The following SLC44A5 variants were observed in gnomAD, a reference collection of about 807,000 sequenced individuals.
SLC44A5 encodes choline transporter-like protein 5.
A neutral mutation model predicts 101.8 loss-of-function variants in SLC44A5; 57 were observed. The observed-to-expected ratio is 0.56, with a 90% CI of 0.45 to 0.70. SLC44A5 has a LOEUF of 0.70. Ranked by LOEUF, SLC44A5 falls within the 30% of genes least tolerant of loss-of-function variation. The pLI, the probability that SLC44A5 is intolerant of heterozygous loss-of-function variation, is 0.00. For missense variants in SLC44A5, 737 were observed against 853.1 expected, an observed-to-expected ratio of 0.86 and a Z score of 1.70; for synonymous variants, 281 against 290.9, an observed-to-expected ratio of 0.97 and a Z score of 0.35.
At chr1:75,222,184 G>A (rs112409558) in intron 14 of SLC44A5, among the ~76,000 whole-genome samples, 177 bp downstream of exon 14, 51 of 152,066 alleles carry the variant, frequency 3.4e-4, no homozygotes, top group African/African-American at 8.9e-4. Flanking sequence ...TCGAACTCCC[G>A]ACCTCAGGTG....
chr1:75,286,918 T>C (rs532136799), intron 5 of SLC44A5, among the ~76,000 whole-genome samples: 23 of 152,208 alleles, frequency 1.5e-4, no homozygotes, highest in African/African-American at 5.1e-4. Flanking sequence ...TAACCTGATG[T>C]ATATGATGAT....
upstream of SLC44A5, among the ~76,000 whole-genome samples, chr1:75,612,835 C>T (rs2065479): frequency 0.56 from 85,003 of 151,364 alleles, 24,672 homozygotes; most frequent in East Asian, 0.92. Context: ...GGGGTGGTGA[C>T]GTGATTATAA....
the SLC44A5 span, among the ~76,000 whole-genome samples, chr1:75,680,902 A>G: frequency 6.6e-6 from 1 of 151,208 alleles, no homozygotes; most frequent in Admixed American, 6.6e-5. Context: ...AGAATCAAAT[A>G]GACGCAATAA....
intron 2 of SLC44A5, among the ~76,000 whole-genome samples, chr1:75,413,851 T>G (rs7538383): frequency 0.053 from 8,056 of 152,222 alleles, 641 homozygotes; most frequent in African/African-American, 0.17. Context: ...TAGGGATAAA[T>G]ACAGTCCCAG....
the SLC44A5 span, among the ~76,000 whole-genome samples, chr1:75,712,249 A>G: frequency 1.3e-5 from 2 of 152,222 alleles, no homozygotes; most frequent in South Asian, 4.1e-4. Context: ...TGAGTTTACT[A>G]TCTGATCTTA....
chr1:75,542,618 C>T (rs1441443461), intron 1 of SLC44A5, among the ~76,000 whole-genome samples: 1 of 151,968 alleles, frequency 6.6e-6, no homozygotes, highest in Non-Finnish European at 1.5e-5. Context: ...ATTTTAAATG[C>T]TTACAGTTTT....
At chr1:75,327,098 T>A (rs1261635907) in intron 4 of SLC44A5, among the ~76,000 whole-genome samples, 1 of 146,304 alleles carries the variant, frequency 6.8e-6, no homozygotes, top group Non-Finnish European at 1.5e-5. Flanking sequence ...TTTTTTTTTT[T>A]ACTGTCTGAT....
chr1:75,344,842 G>A (rs1658131003), intron 3 of SLC44A5, among the ~76,000 whole-genome samples: 1 of 151,900 alleles, frequency 6.6e-6, no homozygotes, highest in Non-Finnish European at 1.5e-5. Context: ...AGAATTGTGT[G>A]GTAATTCATT....
At chr1:75,662,953 G>C in the SLC44A5 span, among the ~76,000 whole-genome samples, 2 of 152,052 alleles carry the variant, frequency 1.3e-5, no homozygotes, top group Non-Finnish European at 2.9e-5. Flanking sequence ...AAAGTTACTA[G>C]GATGTATCCA....
At chr1:75,388,951 C>T (rs560932064) in intron 3 of SLC44A5, among the ~76,000 whole-genome samples, 1 of 152,142 alleles carries the variant, frequency 6.6e-6, no homozygotes, top group Non-Finnish European at 1.5e-5. Context: ...CACCTATAGG[C>T]TCATTGCTCC....
intron 4 of SLC44A5, among the ~76,000 whole-genome samples, chr1:75,335,195 C>T (rs1382992689): frequency 6.6e-6 from 1 of 152,214 alleles, no homozygotes; most frequent in African/African-American, 2.4e-5. Flanking sequence ...AAACTCTCTG[C>T]TGAGCCAAAC....
intron 2 of SLC44A5, among the ~76,000 whole-genome samples, chr1:75,507,540 G>A (rs1447949039): frequency 6.6e-6 from 1 of 151,724 alleles, no homozygotes; most frequent in Non-Finnish European, 1.5e-5. Flanking sequence ...GCCAGGTTTT[G>A]GTACTATGGC....
chr1:75,305,719 C>T (rs562412702), intron 4 of SLC44A5, among the ~76,000 whole-genome samples: 1 of 152,324 alleles, frequency 6.6e-6, no homozygotes, highest in Admixed American at 6.5e-5. Flanking sequence ...GGGTTTACAC[C>T]TCTTTCCCTA....
intron 1 of SLC44A5, among the ~76,000 whole-genome samples, chr1:75,558,251 A>C (rs375633164): frequency 5.3e-4 from 80 of 152,288 alleles, no homozygotes; most frequent in African/African-American, 1.9e-3. Flanking sequence ...GAGATTTAGA[A>C]ACATACTCTC....
chr1:75,330,172 T>C (rs1263332402), intron 4 of SLC44A5, among the ~76,000 whole-genome samples: 1 of 123,246 alleles, frequency 8.1e-6, no homozygotes, highest in African/African-American at 3.6e-5. Context: ...TATATACGTA[T>C]ATATGCATAT....
chr1:75,448,748 A>G (rs534240495), intron 2 of SLC44A5, among the ~76,000 whole-genome samples: 5 of 152,266 alleles, frequency 3.3e-5, no homozygotes, highest in Non-Finnish European at 7.4e-5. Flanking sequence ...TCCCAAAACA[A>G]TTGTCTTCAT....
chr1:75,234,783 T>C (rs1326290798), intron 11 of SLC44A5, among the ~76,000 whole-genome samples: 1 of 152,060 alleles, frequency 6.6e-6, no homozygotes, highest in African/African-American at 2.4e-5. Flanking sequence ...CACGACTATC[T>C]TCTGTCAGCT....
At chr1:75,621,673 T>C in the SLC44A5 span, among the ~76,000 whole-genome samples, 5 of 152,070 alleles carry the variant, frequency 3.3e-5, no homozygotes, top group South Asian at 1.0e-3. Flanking sequence ...TATTGTAACA[T>C]CGAAGGATGT....
intron 6 of SLC44A5, among the ~76,000 whole-genome samples, chr1:75,262,316 A>G (rs1277917665): frequency 1.3e-5 from 2 of 152,214 alleles, no homozygotes; most frequent in African/African-American, 4.8e-5. Context: ...ATGTGCAAAA[A>G]GCACAAGCAT....
Sources: allele counts gnomAD v4.1 joint callset (sites outside exome capture counted in the v4.1 genomes callset), GRCh38; gene constraint gnomAD v4.1.1; transcripts MANE v1.5; gene names NCBI Gene and HGNC (gene_info 2026-07-23, HGNC 2026-07-21).